The following RNF214 variants were observed in gnomAD, a reference collection of about 807,000 sequenced individuals.
The protein encoded by RNF214 is ring finger protein 214.
RNF214 carries 25 observed loss-of-function variants against 75.9 expected under a neutral mutation model. That is an observed-to-expected ratio of 0.33 (90% CI 0.24 to 0.46). RNF214 has a LOEUF of 0.46. Among genes scored for constraint, RNF214 ranks in the 20% least tolerant of loss-of-function variants. The pLI, the probability that RNF214 is intolerant of heterozygous loss-of-function variation, is 1.00. For missense variants in RNF214, 725 were observed against 857.5 expected (o/e 0.85, Z 1.93); for synonymous variants, 314 against 308.8 (o/e 1.02, Z -0.18).
intron 6 of RNF214, among the ~76,000 whole-genome samples, chr11:117,258,084 TC>T (rs1431627030): frequency 1.3e-5 from 2 of 151,994 alleles, no homozygotes; most frequent in Non-Finnish European, 1.5e-5. Flanking sequence ...CTTTTCTTTT[TC>T]TTTTTTTTTT....
intron 6 of RNF214, among the ~76,000 whole-genome samples, chr11:117,261,674 C>A (rs1367774678): frequency 5.3e-5 from 8 of 152,064 alleles, no homozygotes; most frequent in Non-Finnish European, 1.2e-4. Flanking sequence ...GTGACAGAGT[C>A]TCCCTCTGTC....
intron 6 of RNF214, among the ~76,000 whole-genome samples, chr11:117,255,270 C>G (rs1266709691): frequency 6.6e-6 from 1 of 152,166 alleles, no homozygotes; most frequent in African/African-American, 2.4e-5. Context: ...TTCCTTTCTT[C>G]CTGTCCTTGT....
Position 117,238,787 on chromosome 11 carries a change from T to G in RNF214, c.294T>G (p.Leu98=). 1 of 1,614,118 alleles carries G rather than the reference T, an allele frequency of 6.2e-7. No individual in the cohort carries two copies. The highest frequency in any genetic ancestry group is 8.5e-7 in the Non-Finnish European group (1 of 1,180,018). Residue 98 remains leucine, a synonymous_variant, in exon 3 of 15, where the codon CTT becomes CTG. Coordinates refer to ENST00000300650, the MANE Select transcript of RNF214 (RefSeq NM_207343.4). Reference sequence around the variant, plus strand: ...GAGAAAACTTGATAGCCACAGCCCTTTGTCTTTCTGGCAGTGGGTCTCAGT... The same window carrying G: ...GAGAAAACTTGATAGCCACAGCCCTGTGTCTTTCTGGCAGTGGGTCTCAGT... ...VLGENLIATA[L]CLSGSGSQSD...
chr11:117,282,653 T>C, intron 12 of RNF214, 93 bp from the exon 13 acceptor site: 1 of 1,552,972 alleles, frequency 6.4e-7, no homozygotes, highest in South Asian at 1.1e-5. Flanking sequence ...AGTCTGCTTT[T>C]TTCCTTTCCT....
At chr11:117,235,029 A>G (rs1244306027) in intron 2 of RNF214, among the ~76,000 whole-genome samples, 1 of 152,242 alleles carries the variant, frequency 6.6e-6, no homozygotes, top group African/African-American at 2.4e-5. Flanking sequence ...ATGTCCTCCC[A>G]TATACTTTAA....
chr11:117,279,663 G>A (rs372891386), intron 6 of RNF214, among the ~76,000 whole-genome samples: 1 of 152,082 alleles, frequency 6.6e-6, no homozygotes, highest in Admixed American at 6.6e-5. Context: ...CAAATATAGG[G>A]CCATTATGCA....
intron 4 of RNF214, among the ~76,000 whole-genome samples, chr11:117,240,911 G>T (rs912470021): frequency 2.6e-5 from 4 of 152,034 alleles, no homozygotes; most frequent in African/African-American, 9.7e-5. Context: ...AGCCACGGTG[G>T]CTCACGTCTG....
intron 6 of RNF214, among the ~76,000 whole-genome samples, chr11:117,252,806 C>T (rs912652582): frequency 3.9e-5 from 6 of 152,220 alleles, no homozygotes; most frequent in East Asian, 1.9e-4. Flanking sequence ...AGGCATGAGC[C>T]GCCTCACCTG....
intron 2 of RNF214, among the ~76,000 whole-genome samples, chr11:117,236,771 C>CA (rs1300404165): frequency 3.3e-5 from 5 of 152,290 alleles, no homozygotes; most frequent in African/African-American, 1.2e-4. Context: ...ATGTTGGAGT[C>CA]AGAGTTTTGA....
At chr11:117,270,579 C>T (rs569247752) in intron 6 of RNF214, among the ~76,000 whole-genome samples, 14 of 145,972 alleles carry the variant, frequency 9.6e-5, no homozygotes, top group Admixed American at 8.8e-4. Context: ...CCCCCGGTAG[C>T]TGGGACTACA....
chr11:117,266,076 T>A (rs1195463845), intron 6 of RNF214, among the ~76,000 whole-genome samples: 1 of 152,244 alleles, frequency 6.6e-6, no homozygotes, highest in Non-Finnish European at 1.5e-5. Context: ...AGTAGTCTAT[T>A]GTATGAATAT....
At chr11:117,261,835 G>A (rs111735376) in intron 6 of RNF214, among the ~76,000 whole-genome samples, 5 of 151,500 alleles carry the variant, frequency 3.3e-5, no homozygotes, top group Admixed American at 2.0e-4. Flanking sequence ...TAGTAGAGAC[G>A]AGGTTTCACC....
At chr11:117,249,619 G>A (rs2033317800) in intron 6 of RNF214, among the ~76,000 whole-genome samples, 1 of 152,152 alleles carries the variant, frequency 6.6e-6, no homozygotes. Context: ...CACTGACTAC[G>A]TGGCTTAAAC....
chr11:117,276,426 A>G (rs939109239), intron 6 of RNF214, among the ~76,000 whole-genome samples: 3 of 152,122 alleles, frequency 2.0e-5, no homozygotes, highest in Non-Finnish European at 4.4e-5. Context: ...CTTGGGCAAT[A>G]TAGTGGGACT....
intron 6 of RNF214, among the ~76,000 whole-genome samples, chr11:117,268,421 G>A (rs2033841908): frequency 6.6e-6 from 1 of 152,228 alleles, no homozygotes; most frequent in Admixed American, 6.5e-5. Context: ...TTGAAAAGGA[G>A]AGTGAAAGAA....
chr11:117,256,326 A>G (rs1490951686), intron 6 of RNF214, among the ~76,000 whole-genome samples: 1 of 152,208 alleles, frequency 6.6e-6, no homozygotes, highest in East Asian at 1.9e-4. Flanking sequence ...CCACTGTAAA[A>G]GTTAATATCT....
chr11:117,247,698 A>G (rs1020963891), intron 6 of RNF214, among the ~76,000 whole-genome samples: 2 of 151,962 alleles, frequency 1.3e-5, no homozygotes, highest in African/African-American at 4.8e-5. Flanking sequence ...TAAAATACAC[A>G]AAATTAGCCA....
chr11:117,266,190 A>AT (rs909511809), intron 6 of RNF214, among the ~76,000 whole-genome samples: 5 of 151,516 alleles, frequency 3.3e-5, no homozygotes, highest in African/African-American at 1.2e-4. Context: ...GTATTGTGTC[A>AT]TTTTTTTTCT....
chr11:117,250,661 G>C (rs1170198976), intron 6 of RNF214, among the ~76,000 whole-genome samples: 5 of 141,658 alleles, frequency 3.5e-5, no homozygotes, highest in African/African-American at 1.0e-4. Context: ...GTTTCTCGCA[G>C]AGGGGGATTT....
Sources: allele counts gnomAD v4.1 joint callset (sites outside exome capture counted in the v4.1 genomes callset), GRCh38; gene constraint gnomAD v4.1.1; transcripts MANE v1.5; gene names NCBI Gene and HGNC (gene_info 2026-07-23, HGNC 2026-07-21).